The following PDE4D variants were observed in gnomAD, a reference collection of about 807,000 sequenced individuals.
The protein encoded by PDE4D is 3',5'-cyclic-AMP phosphodiesterase 4D.
In PDE4D, 24 loss-of-function variants were observed where a neutral mutation model predicts 87.4. The observed-to-expected ratio is 0.27, with a 90% CI of 0.20 to 0.39. The LOEUF (loss-of-function observed/expected upper bound fraction) is 0.39, where lower values mean the gene tolerates loss of function less well. Ranked by LOEUF, PDE4D falls within the 10% of genes least tolerant of loss-of-function variation. The probability of loss-of-function intolerance (pLI) is 1.00; values close to 1 mark genes in which losing one functional copy is unlikely to be tolerated. For missense variants in PDE4D, 714 were observed against 1,041.0 expected (o/e 0.69, Z 4.32); for synonymous variants, 384 against 383.2 (o/e 1.00, Z -0.02).
chr5:59,903,487 G>A (rs1752502403), intron 3 of PDE4D, among the ~76,000 whole-genome samples: 1 of 152,116 alleles, frequency 6.6e-6, no homozygotes, highest in Admixed American at 6.6e-5. Flanking sequence ...GGATAAGACA[G>A]AGCAGGCAGG....
At chr5:60,108,529 C>A (rs1777298096) in intron 2 of PDE4D, among the ~76,000 whole-genome samples, 1 of 152,072 alleles carries the variant, frequency 6.6e-6, no homozygotes, top group Non-Finnish European at 1.5e-5. Context: ...CATATGGAAC[C>A]AAAAAAGAGC....
At chr5:59,021,751 T>C (rs978951324) in intron 6 of PDE4D, among the ~76,000 whole-genome samples, 11 of 152,194 alleles carry the variant, frequency 7.2e-5, no homozygotes, top group African/African-American at 2.7e-4. Context: ...CCTCAGAATT[T>C]AGGAGATTTA....
intron 1 of PDE4D, among the ~76,000 whole-genome samples, chr5:59,232,164 C>T (rs1442005499): frequency 2.0e-5 from 3 of 151,940 alleles, no homozygotes; most frequent in Non-Finnish European, 2.9e-5. Context: ...CAAAAACAGG[C>T]AAATGGGACT....
intron 1 of PDE4D, among the ~76,000 whole-genome samples, chr5:59,329,907 G>C (rs1447186946): frequency 2.0e-5 from 3 of 152,092 alleles, no homozygotes; most frequent in Non-Finnish European, 4.4e-5. Context: ...ACATAAAAGT[G>C]TTTTCTTTTG....
intron 1 of PDE4D, among the ~76,000 whole-genome samples, chr5:60,277,668 T>C (rs1751509201): frequency 6.6e-6 from 1 of 152,126 alleles, no homozygotes; most frequent in African/African-American, 2.4e-5. Flanking sequence ...AATTGGTGCA[T>C]TTGGACTATT....
chr5:60,123,533 G>C (rs986901441), intron 2 of PDE4D, among the ~76,000 whole-genome samples: 2 of 152,164 alleles, frequency 1.3e-5, no homozygotes, highest in African/African-American at 4.8e-5. Context: ...ATGGGGGAAA[G>C]TTTACCCCAT....
At chr5:59,904,997 G>T (rs770447913) in intron 3 of PDE4D, among the ~76,000 whole-genome samples, 1 of 151,868 alleles carries the variant, frequency 6.6e-6, no homozygotes, top group Non-Finnish European at 1.5e-5. Context: ...TTGCTTGCTT[G>T]CTCTGTCTTC....
At chr5:59,912,116 C>T (rs1753510753) in intron 3 of PDE4D, among the ~76,000 whole-genome samples, 1 of 152,144 alleles carries the variant, frequency 6.6e-6, no homozygotes, top group Non-Finnish European at 1.5e-5. Context: ...ATAATTCCTA[C>T]ATCAAAGGAC....
At chr5:59,537,347 G>A (rs1351108910) in intron 1 of PDE4D, among the ~76,000 whole-genome samples, 1 of 152,196 alleles carries the variant, frequency 6.6e-6, no homozygotes, top group Non-Finnish European at 1.5e-5. Flanking sequence ...TGTCACATGA[G>A]TAGGTTTATC....
At chr5:59,415,469 G>A (rs941006207) in intron 1 of PDE4D, among the ~76,000 whole-genome samples, 5 of 152,030 alleles carry the variant, frequency 3.3e-5, no homozygotes, top group Non-Finnish European at 7.4e-5. Context: ...AGAGGCTGTT[G>A]GGCACTTGAA....
intron 2 of PDE4D, among the ~76,000 whole-genome samples, chr5:60,017,488 C>T (rs113446291): frequency 0.055 from 8,320 of 152,136 alleles, 314 homozygotes; most frequent in Non-Finnish European, 0.081. Flanking sequence ...TGTTGTTCCC[C>T]TCCCTTTGTC....
intron 1 of PDE4D, among the ~76,000 whole-genome samples, chr5:60,454,004 G>T (rs1746280893): frequency 6.6e-6 from 1 of 152,104 alleles, no homozygotes; most frequent in Non-Finnish European, 1.5e-5. Context: ...AAAAGGACTG[G>T]ACTGATAAAT....
At chr5:59,266,270 AATAT>A (rs34379829) in intron 1 of PDE4D, among the ~76,000 whole-genome samples, 53,244 of 149,332 alleles carry the variant, frequency 0.36, 10,409 homozygotes, top group East Asian at 0.54. Flanking sequence ...CCTGTCTCTA[AATAT>A]ATATATATAT....
chr5:59,414,997 C>G lies in PDE4D; in HGVS notation c.456-199029G>C, dbSNP rs1793356884. On this transcript the variant is annotated intron_variant, in intron 1 of 14. Coordinates refer to ENST00000340635, the MANE Select transcript of PDE4D (RefSeq NM_001104631.2). ...AAAGATACCATTTTCAGAAAATGAA[C>G]TCAGTAGCAGCATCCAGAGGGCATA... is the stretch of plus-strand genomic sequence containing the variant. Among the ~76,000 whole-genome samples, 6 of 152,246 alleles carry G rather than the reference C, an allele frequency of 3.9e-5. No homozygotes were observed. In the South Asian group the frequency reaches 1.2e-3, roughly 32 times the overall value.
rs1030739661 is a variant in PDE4D at position 59,427,269 on chromosome 5, T to C, written c.456-211301A>G. Among the ~76,000 whole-genome samples the C allele has an allele frequency of 4.4e-4, 59 of 134,226 alleles. 1 individual carries two copies. Among genetic ancestry groups the C allele is most frequent in the African/African-American group, 1.7e-3 (59 of 34,508 alleles). 88.1% of individuals were successfully genotyped at this position (134,226 alleles called of 152,430 possible). A position where few individuals can be genotyped will look rare whatever the true frequency, so the allele number is the denominator to read the frequency against. On this transcript the variant is annotated intron_variant, in intron 1 of 14. Coordinates refer to ENST00000340635, the MANE Select transcript of PDE4D (RefSeq NM_001104631.2). ...AAATCTTGCCAAAGACTCCATACTG[T>C]GGCATACAGGGAAGTGATTTTATAC... is the stretch of plus-strand genomic sequence containing the variant.
chr5:59,527,489 G>A (rs1813374928), intron 1 of PDE4D, among the ~76,000 whole-genome samples: 1 of 152,146 alleles, frequency 6.6e-6, no homozygotes, highest in African/African-American at 2.4e-5. Flanking sequence ...GAAGTTTGAT[G>A]TACTTAATCC....
intron 1 of PDE4D, among the ~76,000 whole-genome samples, chr5:59,269,304 A>G (rs1300790656): frequency 6.6e-6 from 1 of 152,150 alleles, no homozygotes; most frequent in Non-Finnish European, 1.5e-5. Context: ...TGCATCATAC[A>G]GTGTTTAGTG....
intron 1 of PDE4D, among the ~76,000 whole-genome samples, chr5:59,703,138 G>A (rs954598050): frequency 6.6e-6 from 1 of 152,052 alleles, no homozygotes; most frequent in Non-Finnish European, 1.5e-5. Context: ...ATGATATCAA[G>A]AGTAATAAAG....
intron 1 of PDE4D, among the ~76,000 whole-genome samples, chr5:59,296,772 A>AAC (rs10560642): frequency 4.5e-3 from 671 of 150,052 alleles, no homozygotes; most frequent in South Asian, 6.7e-3. Flanking sequence ...AGAAATTAGT[A>AAC]ACACACACAC....
Sources: allele counts gnomAD v4.1 joint callset (sites outside exome capture counted in the v4.1 genomes callset), GRCh38; gene constraint gnomAD v4.1.1; transcripts MANE v1.5; gene names NCBI Gene and HGNC (gene_info 2026-07-23, HGNC 2026-07-21).